The following BCL2L14 variants were observed in gnomAD, a reference collection of about 807,000 sequenced individuals.
BCL2L14 encodes the protein BCL2 like 14, also known as apoptosis facilitator Bcl-2-like protein 14.
A neutral mutation model predicts 35.3 loss-of-function variants in BCL2L14; 27 were observed. The ratio of observed to expected loss-of-function variants is 0.76; its 90% CI spans 0.56 to 1.05. The LOEUF is 1.05. Ranked by LOEUF, BCL2L14 falls within the 50% of genes least tolerant of loss-of-function variation. BCL2L14 has a pLI of 0.00. For missense variants in BCL2L14, 377 were observed against 382.6 expected (o/e 0.99, Z 0.12); for synonymous variants, 139 against 145.9 (o/e 0.95, Z 0.34).
intron 4 of BCL2L14, among the ~76,000 whole-genome samples, chr12:12,093,268 A>G (rs1394725560): frequency 6.6e-6 from 1 of 152,164 alleles, no homozygotes; most frequent in Non-Finnish European, 1.5e-5. Flanking sequence ...ATGCTCCCGT[A>G]GCATCCTGAA....
rs539490626 is a variant in BCL2L14, at chr12:12,099,618, T to C, written c.*630T>C. The stretch of plus-strand genomic sequence containing the variant: ...CCACACCTCTTCTTCCCAAGGTCCC[T>C]GGGACTTCCTCATTCTTTGTGGTAG... On this transcript the variant is annotated 3_prime_UTR_variant, in exon 6 of 6. Transcript: ENST00000308721. 3 of 152,384 alleles carry C rather than the reference T, an allele frequency of 2.0e-5. No homozygotes were observed. The highest frequency in any genetic ancestry group is 3.8e-4 in the East Asian group (2 of 5,196). 9.4% of individuals were successfully genotyped at this position (152,384 alleles called of 1,614,324 possible).
At chr12:12,066,988 G>A (rs959283218), upstream of BCL2L14, among the ~76,000 whole-genome samples, 3 of 152,120 alleles carry the variant, frequency 2.0e-5, no homozygotes, top group Admixed American at 6.6e-5. Context: ...GGGATTACAA[G>A]CATGAGCCAC....
At chr12:12,069,543 CA>C (rs374176155), upstream of BCL2L14, among the ~76,000 whole-genome samples, 7,275 of 133,014 alleles carry the variant, frequency 0.055, 169 homozygotes, top group Non-Finnish European at 0.064. Flanking sequence ...ACTAAAAATA[CA>C]AAAAAAAAAA....
intron 2 of BCL2L14, among the ~76,000 whole-genome samples, chr12:12,063,956 C>T (rs116180978): frequency 0.024 from 3,680 of 152,142 alleles, 157 homozygotes; most frequent in African/African-American, 0.083. Context: ...CCTGTAAAAC[C>T]CCATCTCCCT....
At chr12:12,065,720 T>C (rs1948586220) in intron 2 of BCL2L14, among the ~76,000 whole-genome samples, 1 of 151,838 alleles carries the variant, frequency 6.6e-6, no homozygotes, top group African/African-American at 2.4e-5. Context: ...TCCAGAGTTG[T>C]CTCCAGCGAC....
At chr12:12,075,185 C>T (rs965816549) in intron 1 of BCL2L14, among the ~76,000 whole-genome samples, 17 of 151,290 alleles carry the variant, frequency 1.1e-4, no homozygotes, top group African/African-American at 3.9e-4. Flanking sequence ...TGCAATGGCG[C>T]GATCCCCGCT....
chr12:12,088,460 GGCC>G (rs1949095855), intron 3 of BCL2L14, among the ~76,000 whole-genome samples: 1 of 152,206 alleles, frequency 6.6e-6, no homozygotes, highest in Admixed American at 6.5e-5. Flanking sequence ...GGGAAAATGC[GGCC>G]GCCATGTTGG....
In BCL2L14 at chr12:12,054,189, A is replaced by G. The variant is rs532259136; in HGVS notation, c.-272+2342A>G. Among the ~76,000 whole-genome samples, 3 of 152,250 alleles carry G rather than the reference A, an allele frequency of 2.0e-5. No homozygotes were observed. In the South Asian group the frequency reaches 6.2e-4, roughly 32 times the overall value. ...ATAGGATAGGAAACCAAGTCTAGTG[A>G]AGTTAAGAAGCTTGCTCAAAATCCA... On this transcript the variant is annotated intron_variant, in intron 2 of 3. Coordinates refer to the BCL2L14 transcript ENST00000461264.
chr12:12,074,305 GT>G (rs760362081), intron 1 of BCL2L14, among the ~76,000 whole-genome samples: 1 of 152,186 alleles, frequency 6.6e-6, no homozygotes, highest in Non-Finnish European at 1.5e-5. Context: ...GGATAGCTCA[GT>G]CAGTAGAGCA....
chr12:12,098,655 GTCAT>G (rs1251494008), intron 5 of BCL2L14, among the ~76,000 whole-genome samples: 2 of 152,160 alleles, frequency 1.3e-5, no homozygotes, highest in Admixed American at 1.3e-4. Context: ...AACCTTCATA[GTCAT>G]TGACCTTTCA....
At chr12:12,085,171 C>A (rs904495561) in intron 2 of BCL2L14, among the ~76,000 whole-genome samples, 2 of 152,038 alleles carry the variant, frequency 1.3e-5, no homozygotes, top group African/African-American at 4.8e-5. Context: ...TTGTGGCCAC[C>A]CTGCCTTATG....
chr12:12,057,614 G>C (rs1262403002), intron 2 of BCL2L14, among the ~76,000 whole-genome samples: 1 of 151,986 alleles, frequency 6.6e-6, no homozygotes, highest in Non-Finnish European at 1.5e-5. Context: ...AAAATTAGCT[G>C]GGTGTGGTGA....
chr12:12,092,462 T>C (rs1212603411), intron 4 of BCL2L14, among the ~76,000 whole-genome samples: 1 of 152,104 alleles, frequency 6.6e-6, no homozygotes, highest in Non-Finnish European at 1.5e-5. Context: ...CAGAGTGCCG[T>C]GTGTGTGGCT....
chr12:12,095,481 C>T, intron 5 of BCL2L14: 2 of 985,306 alleles, frequency 2.0e-6, no homozygotes, highest in Non-Finnish European at 2.4e-6. Flanking sequence ...TCAAAACAGA[C>T]CTCTTTCCCT....
At chr12:12,059,674 G>C (rs1948492636) in intron 2 of BCL2L14, among the ~76,000 whole-genome samples, 2 of 151,962 alleles carry the variant, frequency 1.3e-5, no homozygotes, top group Admixed American at 1.3e-4. Flanking sequence ...CTATAGGCAA[G>C]CTTCCACCTT....
intron 2 of BCL2L14, among the ~76,000 whole-genome samples, chr12:12,083,938 A>G (rs1278888773): frequency 6.6e-6 from 1 of 152,076 alleles, no homozygotes. Flanking sequence ...ACGGGGTGAA[A>G]AAAAGAATTC....
chr12:12,055,945 C>T (rs1338429375), intron 2 of BCL2L14, among the ~76,000 whole-genome samples: 1 of 152,132 alleles, frequency 6.6e-6, no homozygotes, highest in Admixed American at 6.5e-5. Flanking sequence ...ATGCCCCCAC[C>T]CCCAATGTCT....
At chr12:12,061,385 A>G (rs1162366405) in intron 2 of BCL2L14, among the ~76,000 whole-genome samples, 1 of 151,768 alleles carries the variant, frequency 6.6e-6, no homozygotes, top group Non-Finnish European at 1.5e-5. Flanking sequence ...ATCCCATCCC[A>G]CAGCACGCTT....
At chr12:12,074,968 A>G (rs1344443895) in intron 1 of BCL2L14, among the ~76,000 whole-genome samples, 1 of 83,282 alleles carries the variant, frequency 1.2e-5, no homozygotes, top group Non-Finnish European at 2.4e-5. Context: ...CCTTAATATC[A>G]TCTAAAACAT....
Sources: gnomAD v4.1 joint callset for allele counts (sites outside exome capture counted in the v4.1 genomes callset) on GRCh38, gnomAD v4.1.1 for gene constraint, MANE v1.5 for transcripts, NCBI Gene and HGNC (gene_info 2026-07-23, HGNC 2026-07-21) for gene names.